Variants in MACROH2A2 observed in about 807,000 individuals in gnomAD.
The protein encoded by MACROH2A2 is macroH2A.2 histone, also known as core histone macro-H2A.2.
MACROH2A2 carries 6 observed loss-of-function variants against 37.6 expected under a neutral mutation model. The observed-to-expected ratio is 0.16, with a 90% CI of 0.09 to 0.32. The LOEUF (loss-of-function observed/expected upper bound fraction) is 0.32. Ranked by LOEUF, MACROH2A2 falls within the 10% of genes least tolerant of loss-of-function variation. The pLI is 1.00. For synonymous variants in MACROH2A2, 192 were observed against 202.7 expected, an observed-to-expected ratio of 0.95 and a Z score of 0.45; for missense variants, 290 against 485.9, an observed-to-expected ratio of 0.60 and a Z score of 3.79.
chr10:70,071,206 C>G (rs1041300457), intron 1 of MACROH2A2, among the ~76,000 whole-genome samples: 4 of 152,258 alleles, frequency 2.6e-5, no homozygotes, highest in African/African-American at 7.2e-5. Context: ...ACACCATATT[C>G]ACAGAGCACG....
intron 1 of MACROH2A2, among the ~76,000 whole-genome samples, chr10:70,059,382 T>A (rs965723874): frequency 1.3e-5 from 2 of 151,728 alleles, no homozygotes; most frequent in Non-Finnish European, 2.9e-5. Flanking sequence ...ATTTCTTTTT[T>A]TTTTTTTTGA....
At chr10:70,069,475 TTGTC>T (rs2072096809) in intron 1 of MACROH2A2, among the ~76,000 whole-genome samples, 1 of 152,118 alleles carries the variant, frequency 6.6e-6, no homozygotes, top group African/African-American at 2.4e-5. Context: ...GATTCAGGGT[TTGTC>T]TGGTTTCCTC....
At chr10:70,092,228 C>A (rs754136251) in intron 4 of MACROH2A2, among the ~76,000 whole-genome samples, 2 of 152,198 alleles carry the variant, frequency 1.3e-5, no homozygotes, top group Non-Finnish European at 2.9e-5. Context: ...TTGCCAGACA[C>A]AGAACCTGCC....
chr10:70,109,840 G>C (rs926102676), intron 8 of MACROH2A2, among the ~76,000 whole-genome samples: 1 of 152,126 alleles, frequency 6.6e-6, no homozygotes, highest in Non-Finnish European at 1.5e-5. Flanking sequence ...ATCCCAGCTG[G>C]GCATTGTTTC....
chr10:70,104,635 A>G (rs1472884091), intron 7 of MACROH2A2, among the ~76,000 whole-genome samples: 36 of 152,200 alleles, frequency 2.4e-4, no homozygotes, highest in Admixed American at 2.0e-4. Context: ...AGATCACGCT[A>G]TTGCACTCCA....
intron 2 of MACROH2A2, among the ~76,000 whole-genome samples, chr10:70,076,190 T>C (rs1216472535): frequency 6.6e-6 from 1 of 152,230 alleles, no homozygotes; most frequent in Non-Finnish European, 1.5e-5. Context: ...GATTTGATAT[T>C]CATTTTGTAA....
chr10:70,084,284 C>T (rs112749099), intron 2 of MACROH2A2, among the ~76,000 whole-genome samples: 1,672 of 152,318 alleles, frequency 0.011, 19 homozygotes, highest in Non-Finnish European at 0.017. Flanking sequence ...CACAAGAACA[C>T]ACATTTAAGG....
chr10:70,105,656 C>T (rs978318379), intron 7 of MACROH2A2, among the ~76,000 whole-genome samples: 2 of 151,766 alleles, frequency 1.3e-5, no homozygotes, highest in African/African-American at 2.4e-5. Flanking sequence ...AGGACCTTGG[C>T]TCCAGCAACC....
chr10:70,108,933 A>T, intron 7 of MACROH2A2, 100 bp from the exon 8 acceptor site: 1 of 1,052,370 alleles, frequency 9.5e-7, no homozygotes, highest in Non-Finnish European at 1.4e-6. Context: ...CGTCTCTATC[A>T]CTGCCTTATC....
intron 2 of MACROH2A2, among the ~76,000 whole-genome samples, 195 bp from the exon 3 acceptor site, chr10:70,089,865 C>T (rs1294906181): frequency 1.3e-5 from 2 of 152,010 alleles, no homozygotes; most frequent in African/African-American, 2.4e-5. Context: ...TGGGCTCAAG[C>T]GATCCTCCTG....
intron 1 of MACROH2A2, among the ~76,000 whole-genome samples, chr10:70,063,379 G>T (rs2072060491): frequency 6.6e-6 from 1 of 152,114 alleles, no homozygotes; most frequent in Non-Finnish European, 1.5e-5. Flanking sequence ...ATTGTTTATG[G>T]GAACCTCATA....
At chr10:70,111,070 A>G (rs1377783277) in intron 8 of MACROH2A2, among the ~76,000 whole-genome samples, 1 of 152,128 alleles carries the variant, frequency 6.6e-6, no homozygotes, top group Non-Finnish European at 1.5e-5. Flanking sequence ...GGAGTTCAAG[A>G]CCAGCCTAGC....
intron 6 of MACROH2A2, chr10:70,098,280 G>T (rs1250220415): frequency 7.1e-6 from 1 of 140,226 alleles, no homozygotes; most frequent in Non-Finnish European, 1.5e-5. Flanking sequence ...AAGAAAAAGA[G>T]AGAGAGAGAG....
intron 2 of MACROH2A2, among the ~76,000 whole-genome samples, chr10:70,085,629 A>G (rs2072206268): frequency 6.6e-6 from 1 of 152,258 alleles, no homozygotes; most frequent in Non-Finnish European, 1.5e-5. Flanking sequence ...AATAATGTGT[A>G]TGAGCTTTAC....
At chr10:70,077,428 C>T (rs547349917) in intron 2 of MACROH2A2, among the ~76,000 whole-genome samples, 5 of 150,706 alleles carry the variant, frequency 3.3e-5, no homozygotes, top group South Asian at 2.1e-4. Flanking sequence ...ATTAGCCAGG[C>T]GTGATGGCAG....
intron 7 of MACROH2A2, among the ~76,000 whole-genome samples, chr10:70,104,477 G>A (rs1183358939): frequency 6.6e-6 from 1 of 152,098 alleles, no homozygotes; most frequent in Non-Finnish European, 1.5e-5. Flanking sequence ...GGGAGTTTGA[G>A]ACCAGCCTGA....
intron 1 of MACROH2A2, among the ~76,000 whole-genome samples, chr10:70,058,919 C>T (rs1197043238): frequency 1.4e-5 from 2 of 144,448 alleles, no homozygotes; most frequent in African/African-American, 5.0e-5. Context: ...CCGCCAACAA[C>T]CCTATCACGA....
intron 1 of MACROH2A2, among the ~76,000 whole-genome samples, chr10:70,071,500 G>A (rs1360408001): frequency 6.6e-6 from 1 of 152,160 alleles, no homozygotes; most frequent in Non-Finnish European, 1.5e-5. Context: ...TTACAGAGAA[G>A]GCCACTGAGG....
intron 2 of MACROH2A2, among the ~76,000 whole-genome samples, chr10:70,078,265 T>C (rs1489184127): frequency 6.6e-6 from 1 of 152,204 alleles, no homozygotes; most frequent in Non-Finnish European, 1.5e-5. Flanking sequence ...CGCAATAGAA[T>C]TGGGCCATTT....
Sources: allele counts gnomAD v4.1 joint callset (sites outside exome capture counted in the v4.1 genomes callset), GRCh38; gene constraint gnomAD v4.1.1; transcripts MANE v1.5; gene names NCBI Gene and HGNC (gene_info 2026-07-23, HGNC 2026-07-21).